GPHN: variants seen among roughly 807,000 people sequenced by gnomAD.
GPHN encodes gephyrin.
In GPHN, 17 loss-of-function variants were observed where a neutral mutation model predicts 95.5. The observed-to-expected ratio is 0.18, with a 90% CI of 0.12 to 0.27. The LOEUF is 0.27. Ranked by LOEUF, GPHN falls within the 10% of genes least tolerant of loss-of-function variation. The pLI, the probability that GPHN is intolerant of heterozygous loss-of-function variation, is 1.00. For synonymous variants in GPHN, 320 were observed against 322.5 expected, an observed-to-expected ratio of 0.99 and a Z score of 0.08; for missense variants, 660 against 978.1, an observed-to-expected ratio of 0.67 and a Z score of 4.34.
chr14:66,683,424 A>ATG (rs1595534912), intron 2 of GPHN, among the ~76,000 whole-genome samples: 5 of 51,932 alleles, frequency 9.6e-5, no homozygotes, highest in Non-Finnish European at 1.5e-4. Flanking sequence ...ATATATATAT[A>ATG]TTCATATTCT....
intron 10 of GPHN, among the ~76,000 whole-genome samples, chr14:67,038,130 A>G (rs1026289801): frequency 5.3e-5 from 8 of 152,128 alleles, no homozygotes; most frequent in Non-Finnish European, 1.2e-4. Flanking sequence ...CCTCCAAAAA[A>G]TAAGGAAATC....
At chr14:66,778,357 TGA>T (rs1284544745) in intron 3 of GPHN, among the ~76,000 whole-genome samples, 2 of 152,208 alleles carry the variant, frequency 1.3e-5, no homozygotes, top group African/African-American at 4.8e-5. Context: ...TGGGTTCCTT[TGA>T]AAACACGATA....
intron 17 of GPHN, among the ~76,000 whole-genome samples, chr14:67,141,994 T>C (rs72715395): frequency 0.054 from 8,208 of 152,232 alleles, 229 homozygotes; most frequent in Middle Eastern, 0.068. Context: ...CTGAAGCTAG[T>C]GCAAGCAAAG....
intron 1 of GPHN, among the ~76,000 whole-genome samples, chr14:66,519,130 G>A (rs1042400819): frequency 6.6e-6 from 1 of 151,750 alleles, no homozygotes; most frequent in Non-Finnish European, 1.5e-5. Context: ...AAATATAAAA[G>A]AAAATTTTAA....
chr14:67,203,204 C>G, the GPHN span: 1 of 1,613,880 alleles, frequency 6.2e-7, no homozygotes, highest in Non-Finnish European at 8.5e-7. Flanking sequence ...TGCTACTGGC[C>G]CATCTGACAC....
intron 10 of GPHN, among the ~76,000 whole-genome samples, chr14:67,039,963 G>A (rs1041733361): frequency 6.6e-5 from 10 of 152,036 alleles, no homozygotes; most frequent in Non-Finnish European, 1.5e-4. Flanking sequence ...TGATGTTAAG[G>A]CCTTTTTTTC....
At chr14:67,725,705 G>C in the GPHN span, among the ~76,000 whole-genome samples, 1 of 152,208 alleles carries the variant, frequency 6.6e-6, no homozygotes, top group African/African-American at 2.4e-5. Flanking sequence ...TGGATTCCTA[G>C]TGCCCAGCAG....
the GPHN span, among the ~76,000 whole-genome samples, chr14:67,459,867 T>C: frequency 6.6e-6 from 1 of 152,194 alleles, no homozygotes; most frequent in Non-Finnish European, 1.5e-5. Context: ...TGCTTGCTCA[T>C]CCCCAAGGCA....
intron 2 of GPHN, chr14:66,709,529 T>C: frequency 2.5e-6 from 1 of 395,402 alleles, no homozygotes; most frequent in Middle Eastern, 3.7e-4. Flanking sequence ...CATGTCCCAG[T>C]GGGATGGAGT....
chr14:66,563,661 T>G (rs897139063), intron 1 of GPHN, among the ~76,000 whole-genome samples: 4 of 152,222 alleles, frequency 2.6e-5, no homozygotes, highest in African/African-American at 9.6e-5. Flanking sequence ...CCAAACCTTT[T>G]TCTAGTAGTT....
chr14:67,512,266 C>T, the GPHN span, among the ~76,000 whole-genome samples: 20 of 152,172 alleles, frequency 1.3e-4, no homozygotes, highest in Non-Finnish European at 2.4e-4. Flanking sequence ...TACCCCTTCC[C>T]TAGAAATCAG....
At chr14:67,432,367 G>A in the GPHN span, among the ~76,000 whole-genome samples, 2 of 152,332 alleles carry the variant, frequency 1.3e-5, no homozygotes, top group East Asian at 1.9e-4. Context: ...TGGCGAACGA[G>A]CCCTGGTTCT....
At chr14:66,877,438 A>G (rs1015396670) in intron 4 of GPHN, among the ~76,000 whole-genome samples, 1 of 152,220 alleles carries the variant, frequency 6.6e-6, no homozygotes, top group African/African-American at 2.4e-5. Context: ...GAAGAGAGGA[A>G]GTCAAATTGT....
At chr14:67,706,869 C>T in the GPHN span, among the ~76,000 whole-genome samples, 7 of 152,276 alleles carry the variant, frequency 4.6e-5, no homozygotes, top group Middle Eastern at 3.4e-3. Context: ...CGTTCCTAGA[C>T]AGGTAGGTCC....
intron 2 of GPHN, among the ~76,000 whole-genome samples, chr14:66,731,502 G>A (rs567618356): frequency 6.6e-6 from 1 of 152,234 alleles, no homozygotes; most frequent in African/African-American, 2.4e-5. Context: ...TTAGCAAAGA[G>A]ACTAGTGGCA....
intron 4 of GPHN, among the ~76,000 whole-genome samples, chr14:66,841,472 G>A (rs932287852): frequency 6.6e-6 from 1 of 152,158 alleles, no homozygotes; most frequent in African/African-American, 2.4e-5. Context: ...AATGACAGTG[G>A]CTTAGACCAA....
chr14:66,572,631 G>T (rs1468098085), intron 1 of GPHN, among the ~76,000 whole-genome samples: 2 of 151,770 alleles, frequency 1.3e-5, no homozygotes, highest in South Asian at 2.1e-4. Context: ...AAACTTTACT[G>T]AATCTTTGGT....
Position 66,791,002 on chromosome 14 carries a change from A to G in GPHN, c.201+14481A>G, listed in dbSNP as rs945609981. On this transcript the variant is annotated intron_variant, in intron 3 of 22. Transcript: ENST00000478722. ...GCCAAATACATTTTTAACCAAATGGACTTTACCAAGAGGGGCCTCTAACCC... is the reference window on the plus strand; with the variant it reads ...GCCAAATACATTTTTAACCAAATGGGCTTTACCAAGAGGGGCCTCTAACCC... 2.6e-4 allele frequency among the ~76,000 whole-genome samples: 40 copies of G among 152,358 alleles called. No individual in the cohort carries two copies. The Middle Eastern group carries it at 0.014, about 52-fold the overall frequency.
chr14:66,591,201 A>G (rs1314731059), intron 1 of GPHN, among the ~76,000 whole-genome samples: 1 of 152,210 alleles, frequency 6.6e-6, no homozygotes, highest in Non-Finnish European at 1.5e-5. Context: ...CCAATATAAT[A>G]CTGAATGGGC....
Sources: gnomAD v4.1 joint callset for allele counts (sites outside exome capture counted in the v4.1 genomes callset) on GRCh38, gnomAD v4.1.1 for gene constraint, MANE v1.5 for transcripts, NCBI Gene and HGNC (gene_info 2026-07-23, HGNC 2026-07-21) for gene names.